The following EYS variants were observed in gnomAD, a reference collection of about 807,000 sequenced individuals.
EYS encodes protein eyes shut homolog.
A neutral mutation model predicts 282.1 loss-of-function variants in EYS; 250 were observed. The ratio of observed to expected loss-of-function variants is 0.89; its 90% confidence interval spans 0.80 to 0.98. The LOEUF is 0.98. Among genes scored for constraint, EYS ranks in the 50% least tolerant of loss-of-function variants. EYS has a pLI of 0.00. For missense variants in EYS, 4,016 were observed against 3,709.0 expected (o/e 1.08, Z -2.15); for synonymous variants, 1,355 against 1,282.9 (o/e 1.06, Z -1.20).
At chr6:65,703,707 G>A (rs566299165) in intron 1 of EYS, among the ~76,000 whole-genome samples, 1 of 152,080 alleles carries the variant, frequency 6.6e-6, no homozygotes, top group African/African-American at 2.4e-5. Flanking sequence ...AAAGCTCCTA[G>A]AAGAAATCTG....
chr6:64,086,555 G>A (rs936754075), intron 31 of EYS, among the ~76,000 whole-genome samples: 1 of 152,042 alleles, frequency 6.6e-6, no homozygotes, highest in African/African-American at 2.4e-5. Context: ...TGTTCATACT[G>A]TTCTATCTTT....
rs570374248 is a variant in EYS, at chr6:63,752,489, A to C, written c.8071+9972T>G. On this transcript the variant is annotated intron_variant, in intron 41 of 42. Transcript: ENST00000503581. ...GTCCTCCAAGATAACATAATTGTTTAATTTCTTTTTTTTTTTTTTTTGAGA... is the reference window on the plus strand; with the variant it reads ...GTCCTCCAAGATAACATAATTGTTTCATTTCTTTTTTTTTTTTTTTTGAGA... Among the ~76,000 whole-genome samples the C allele has an allele frequency of 1.5e-4, 21 of 139,248 alleles. 2 individuals carry two copies. In the South Asian group the frequency reaches 4.8e-3, roughly 32 times the overall value. 91.4% of individuals were successfully genotyped at this position (139,248 alleles called of 152,430 possible).
chr6:65,524,219 C>T (rs1767476473), intron 2 of EYS, among the ~76,000 whole-genome samples: 1 of 150,238 alleles, frequency 6.7e-6, no homozygotes, highest in Admixed American at 6.7e-5. Context: ...CCCTGGCCTG[C>T]ACAGTAACTC....
At chr6:63,877,548 T>C (rs541401377) in intron 35 of EYS, among the ~76,000 whole-genome samples, 2 of 152,348 alleles carry the variant, frequency 1.3e-5, no homozygotes, top group South Asian at 4.1e-4. Flanking sequence ...TTCTCCTGGA[T>C]AATATCCTGA....
chr6:63,721,666 C>T lies in EYS; in HGVS notation c.8365G>A (p.Gly2789Arg). 1 of 1,551,450 alleles carries T rather than the reference C, an allele frequency of 6.4e-7. No homozygotes were observed. Among genetic ancestry groups the T allele is most frequent in the South Asian group, 1.2e-5 (1 of 84,056 alleles). The change falls in exon 43 of 43, where the codon GGA becomes AGA. Residue 2789 changes from glycine to arginine, a missense_variant. Transcript: ENST00000503581. Reference sequence around the variant, plus strand: ...AGGTAGCCTTCTGCACCAACTCTTCCTGCTTTTATTATATGCCAAGTACTT... The same window carrying T: ...AGGTAGCCTTCTGCACCAACTCTTCTTGCTTTTATTATATGCCAAGTACTT... ...NGSTWHIIKA[G>R]RVGAEGYLDL...
At chr6:64,731,862 A>G (rs982673509) in intron 22 of EYS, among the ~76,000 whole-genome samples, 1 of 152,202 alleles carries the variant, frequency 6.6e-6, no homozygotes, top group African/African-American at 2.4e-5. Flanking sequence ...ACATGCACAC[A>G]CATGTTTATT....
At chr6:65,229,988 C>G (rs1175554794) in intron 12 of EYS, among the ~76,000 whole-genome samples, 1 of 151,752 alleles carries the variant, frequency 6.6e-6, no homozygotes. Context: ...AAATAATCAA[C>G]CATTTAAGTA....
At chr6:65,141,273 A>G (rs1289826973) in intron 12 of EYS, among the ~76,000 whole-genome samples, 2 of 152,030 alleles carry the variant, frequency 1.3e-5, no homozygotes, top group East Asian at 1.9e-4. Context: ...GTTCTCACTC[A>G]TAGGTGGGAA....
intron 13 of EYS, among the ~76,000 whole-genome samples, chr6:65,005,666 A>G (rs2150129907): frequency 6.8e-6 from 1 of 147,764 alleles, no homozygotes; most frequent in African/African-American, 2.4e-5. Flanking sequence ...TATCTGGGGA[A>G]GGGCTTTCTA....
chr6:64,478,041 T>A (rs776197420), intron 26 of EYS, among the ~76,000 whole-genome samples: 1 of 152,070 alleles, frequency 6.6e-6, no homozygotes, highest in South Asian at 2.1e-4. Flanking sequence ...CTTGCTGTTA[T>A]GTGCTTGTGT....
At chr6:65,090,113 T>A (rs1208280273) in intron 12 of EYS, among the ~76,000 whole-genome samples, 1 of 152,006 alleles carries the variant, frequency 6.6e-6, no homozygotes, top group Non-Finnish European at 1.5e-5. Context: ...CAGAATGATA[T>A]GCTTTGTCTC....
intron 36 of EYS, among the ~76,000 whole-genome samples, chr6:63,858,205 G>A (rs973996969): frequency 1.1e-4 from 17 of 152,244 alleles, no homozygotes; most frequent in Middle Eastern, 6.8e-3. Flanking sequence ...CAACCATAAA[G>A]ATACAATTGA....
intron 26 of EYS, among the ~76,000 whole-genome samples, chr6:64,511,220 C>G (rs1184659351): frequency 1.6e-5 from 2 of 126,434 alleles, no homozygotes; most frequent in Non-Finnish European, 3.2e-5. Flanking sequence ...ACAACTCTCT[C>G]TCTACATATA....
chr6:64,327,174 C>A (rs1037539692), intron 29 of EYS, among the ~76,000 whole-genome samples: 5 of 152,056 alleles, frequency 3.3e-5, no homozygotes, highest in African/African-American at 1.2e-4. Flanking sequence ...AAAACCAGAT[C>A]TAGGACACTG....
At chr6:65,263,078 C>T (rs993758345) in intron 12 of EYS, among the ~76,000 whole-genome samples, 2 of 152,100 alleles carry the variant, frequency 1.3e-5, no homozygotes, top group African/African-American at 4.8e-5. Flanking sequence ...CAGTGACAAA[C>T]GCCTATAATC....
chr6:64,633,598 T>C (rs1767867111), intron 22 of EYS, among the ~76,000 whole-genome samples: 1 of 147,216 alleles, frequency 6.8e-6, no homozygotes, highest in African/African-American at 2.5e-5. Context: ...ACTGCAGTAG[T>C]TTTCACATTC....
intron 14 of EYS, among the ~76,000 whole-genome samples, chr6:64,963,426 G>C (rs558428164): frequency 6.6e-6 from 1 of 152,156 alleles, no homozygotes; most frequent in South Asian, 2.1e-4. Context: ...CCTTCGTTCA[G>C]GAATTTCCCA....
chr6:64,283,688 A>G (rs1768392588), intron 30 of EYS, among the ~76,000 whole-genome samples: 1 of 152,142 alleles, frequency 6.6e-6, no homozygotes, highest in South Asian at 2.1e-4. Context: ...TGCTGCTGAT[A>G]AAGACATATC....
intron 10 of EYS, 77 bp downstream of exon 10, chr6:65,343,961 C>T: frequency 1.6e-6 from 2 of 1,261,456 alleles, no homozygotes; most frequent in Non-Finnish European, 2.3e-6. Flanking sequence ...GTAACCTAAA[C>T]ATTTCTAACT....
Sources: gnomAD v4.1 joint callset for allele counts (sites outside exome capture counted in the v4.1 genomes callset) on GRCh38, gnomAD v4.1.1 for gene constraint, MANE v1.5 for transcripts, NCBI Gene and HGNC (gene_info 2026-07-23, HGNC 2026-07-21) for gene names.